Variants in SLCO3A1 observed in about 807,000 individuals in gnomAD.
SLCO3A1 encodes solute carrier organic anion transporter family member 3A1.
In SLCO3A1, 27 loss-of-function variants were observed where a neutral mutation model predicts 63.1. That is an observed-to-expected ratio of 0.43 (90% CI 0.32 to 0.59). The LOEUF is 0.59. Ranked by LOEUF, SLCO3A1 falls within the 20% of genes least tolerant of loss-of-function variation. SLCO3A1 has a pLI of 0.09. For synonymous variants in SLCO3A1, 473 were observed against 409.9 expected (o/e 1.15, Z -1.86); for missense variants, 773 against 945.8 (o/e 0.82, Z 2.40).
In SLCO3A1 at chr15:92,110,872, C is replaced by CCATGGA. The variant is rs200734687; in HGVS notation, c.1009+6333_1009+6334insGGACAT. On this transcript the variant is annotated intron_variant, in intron 4 of 9. Transcript: ENST00000318445. Reference sequence around the variant, plus strand: ...GGGTTTTGGCCTGTGTTTGACCAATCCATAGACTTGGCAAGAGCTTCAGGT... The same window carrying CCATGGA: ...GGGTTTTGGCCTGTGTTTGACCAATCCATGGACATAGACTTGGCAAGAGCTTCAGGT... Among the ~76,000 whole-genome samples, 8 of 62,590 alleles carry CCATGGA rather than the reference C, an allele frequency of 1.3e-4. No homozygotes were observed. The South Asian group carries it at 1.7e-3, about 14-fold the overall frequency. The allele number at this position is 62,590 out of a possible 152,430, so 41.1% of individuals were successfully genotyped here.
At position 91,929,347 on chromosome 15, in the gene SLCO3A1, C is replaced by T. The variant is rs192704782; in HGVS notation, c.646+12889C>T. 4.6e-5 allele frequency among the ~76,000 whole-genome samples: 7 copies of T among 152,240 alleles called. No individual in the cohort carries two copies. The East Asian group carries it at 9.7e-4, about 21-fold the overall frequency. ...CATTTTCCCGAAGTCATTGAGATAG[C>T]GTTTTGGTGACCTTCAGAAAAAATG... is the stretch of plus-strand genomic sequence containing the variant. On this transcript the variant is annotated intron_variant, in intron 2 of 9. Transcript: ENST00000318445.
intron 1 of SLCO3A1, among the ~76,000 whole-genome samples, chr15:91,913,287 C>T (rs1409876438): frequency 3.3e-5 from 5 of 152,254 alleles, no homozygotes; most frequent in African/African-American, 9.6e-5. Context: ...CATAACCCTG[C>T]TCTGCAGAGC....
At chr15:92,072,628 T>C (rs2047230180) in intron 2 of SLCO3A1, among the ~76,000 whole-genome samples, 1 of 152,236 alleles carries the variant, frequency 6.6e-6, no homozygotes, top group Non-Finnish European at 1.5e-5. Flanking sequence ...CAAGCAGACC[T>C]GTGCTCCCTC....
chr15:91,866,564 G>T (rs1358624096), intron 1 of SLCO3A1, among the ~76,000 whole-genome samples: 2 of 146,682 alleles, frequency 1.4e-5, no homozygotes, highest in Admixed American at 6.8e-5. Flanking sequence ...CTCTGCACAG[G>T]CTCCTTTTTT....
chr15:92,083,259 C>G lies in SLCO3A1; in HGVS notation c.647-11622C>G, dbSNP rs1276322418. On this transcript the variant is annotated intron_variant, in intron 2 of 9. Transcript: ENST00000318445. ...CTCTAAAGAAAACCTCAGGCTTCCC[C>G]CAAAGGGATCTCTCATTTTGTCAAG... is the stretch of plus-strand genomic sequence containing the variant. Among the ~76,000 whole-genome samples, 3 of 152,194 alleles carry G rather than the reference C, an allele frequency of 2.0e-5. No homozygotes were observed. In the East Asian group the frequency reaches 5.8e-4, roughly 29 times the overall value.
chr15:91,874,024 T>G (rs1347456139), intron 1 of SLCO3A1, among the ~76,000 whole-genome samples: 1 of 152,186 alleles, frequency 6.6e-6, no homozygotes, highest in Admixed American at 6.5e-5. Flanking sequence ...GGGGATATGT[T>G]CCAAGACCCC....
chr15:92,102,795 C>A (rs902397622), intron 3 of SLCO3A1, among the ~76,000 whole-genome samples: 2 of 152,114 alleles, frequency 1.3e-5, no homozygotes, highest in Non-Finnish European at 2.9e-5. Flanking sequence ...CACCTCGGGC[C>A]CTACAGAGAG....
At chr15:92,109,957 C>T (rs1337510964) in intron 4 of SLCO3A1, among the ~76,000 whole-genome samples, 3 of 152,074 alleles carry the variant, frequency 2.0e-5, no homozygotes, top group Non-Finnish European at 4.4e-5. Context: ...ATTCCAAATC[C>T]CGTGCTCTTT....
intron 2 of SLCO3A1, among the ~76,000 whole-genome samples, chr15:91,961,436 A>C (rs755214949): frequency 9.2e-5 from 14 of 152,362 alleles, no homozygotes; most frequent in Middle Eastern, 3.4e-3. Context: ...GCAGAAGAAC[A>C]GCTCTCTGGT....
intron 2 of SLCO3A1, among the ~76,000 whole-genome samples, chr15:91,955,148 G>T (rs569870582): frequency 2.0e-5 from 3 of 152,046 alleles, no homozygotes; most frequent in Non-Finnish European, 4.4e-5. Context: ...GCACCCCTGT[G>T]GGCTTGGTCC....
rs4270157 is a variant in SLCO3A1, at chr15:91,889,277, T to C, written c.181-26716T>C. On this transcript the variant is annotated intron_variant, in intron 1 of 9. Coordinates refer to ENST00000318445, the MANE Select transcript of SLCO3A1 (RefSeq NM_013272.4). Reference sequence around the variant, plus strand: ...TGGACCTGGAGTGCATTTGCAACACTTTATGGGCTTCATAGCACCTGTAGG... The same window carrying C: ...TGGACCTGGAGTGCATTTGCAACACCTTATGGGCTTCATAGCACCTGTAGG... The C allele has an allele frequency of 9.3e-3, 5,660 of 611,204 alleles. 272 individuals carry two copies. In the African/African-American group the frequency reaches 0.098, roughly 11 times the overall value. The allele number at this position is 611,204 out of a possible 1,614,324, so 37.9% of individuals were successfully genotyped here. A position where few individuals can be genotyped will look rare whatever the true frequency, so the allele number is the denominator to read the frequency against.
At position 91,954,679 on chromosome 15, in the gene SLCO3A1, G is replaced by T. The variant is rs187314960; in HGVS notation, c.646+38221G>T. On this transcript the variant is annotated intron_variant, in intron 2 of 9. Transcript: ENST00000318445. The surrounding 1 kb of genome is among the most constrained non-coding windows in gnomAD (Gnocchi z 4.7). The stretch of plus-strand genomic sequence containing the variant: ...GTGGCCCATATATGATTTTTATCAG[G>T]GTGGAGCCCCTGTGGTTAGAGCCCA... 6.6e-6 allele frequency among the ~76,000 whole-genome samples: 1 copy of T among 152,086 alleles called. No individual in the cohort carries two copies. The highest frequency in any genetic ancestry group is 2.4e-5 in the African/African-American group (1 of 41,468).
intron 2 of SLCO3A1, among the ~76,000 whole-genome samples, chr15:92,005,860 A>T (rs989810954): frequency 9.2e-5 from 14 of 152,146 alleles, no homozygotes; most frequent in Non-Finnish European, 2.1e-4. Flanking sequence ...AATCAAGTGG[A>T]TGTGAATTCC....
chr15:92,144,080 G>A (rs560082577), intron 7 of SLCO3A1, among the ~76,000 whole-genome samples: 23 of 152,346 alleles, frequency 1.5e-4, no homozygotes, highest in African/African-American at 5.3e-4. Context: ...CTGTGTGTCC[G>A]TCCTTATGCC....
chr15:91,891,240 A>G (rs957385735), intron 1 of SLCO3A1, among the ~76,000 whole-genome samples: 1 of 152,116 alleles, frequency 6.6e-6, no homozygotes, highest in Non-Finnish European at 1.5e-5. Context: ...CCGTAGCTTC[A>G]GGAATATTGC....
chr15:91,978,065 T>C (rs1451063350), intron 2 of SLCO3A1, among the ~76,000 whole-genome samples: 1 of 152,148 alleles, frequency 6.6e-6, no homozygotes, highest in Non-Finnish European at 1.5e-5. Context: ...ACAAAATGAA[T>C]ACCACCCTGT....
rs941797865 is a variant in SLCO3A1 at position 91,970,468 on chromosome 15, G to A, written c.646+54010G>A. Among the ~76,000 whole-genome samples, 9 of 152,164 alleles carry A rather than the reference G, an allele frequency of 5.9e-5. 1 individual carries two copies. Among genetic ancestry groups the A allele is most frequent in the African/African-American group, 2.2e-4 (9 of 41,420 alleles). On this transcript the variant is annotated intron_variant, in intron 2 of 9. Transcript: ENST00000318445. ...TGTGGAGTCCTCTCCTTTCTCTGTA[G>A]TCAACACACGAGAGTCAACATGGAA...
Position 91,863,980 on chromosome 15 carries a change from A to G in SLCO3A1, c.180+9892A>G, listed in dbSNP as rs555729163. ...CTGTATACATGCATCAAGGAGATGC[A>G]TATAAATAGATCAAAAAGCCAGTGA... On this transcript the variant is annotated intron_variant, in intron 1 of 9. Coordinates refer to ENST00000318445, the MANE Select transcript of SLCO3A1 (RefSeq NM_013272.4). The surrounding 1 kb of genome is among the most constrained non-coding windows in gnomAD (Gnocchi z 4.3). Among the ~76,000 whole-genome samples, 3 of 152,368 alleles carry G rather than the reference A, an allele frequency of 2.0e-5. No individual in the cohort carries two copies. The highest frequency in any genetic ancestry group is 1.9e-4 in the East Asian group (1 of 5,182).
intron 2 of SLCO3A1, among the ~76,000 whole-genome samples, chr15:92,012,817 C>G (rs2046383852): frequency 6.7e-6 from 1 of 150,284 alleles, no homozygotes. Context: ...GAAACATCCT[C>G]AGAGCATCCC....
Sources: gnomAD v4.1 joint callset for allele counts (sites outside exome capture counted in the v4.1 genomes callset) on GRCh38, gnomAD v4.1.1 for gene constraint, Gnocchi (gnomAD v3.1) non-coding constraint, MANE v1.5 for transcripts, NCBI Gene and HGNC (gene_info 2026-07-23, HGNC 2026-07-21) for gene names.